Variants in SLC9A6 observed in about 807,000 individuals in gnomAD.
The protein encoded by SLC9A6 is sodium/hydrogen exchanger 6.
Under a neutral mutation model 45.3 loss-of-function variants are expected in SLC9A6, and 6 were observed. The ratio of observed to expected loss-of-function variants is 0.13; its 90% CI spans 0.07 to 0.26. The LOEUF is 0.26. Ranked by LOEUF, SLC9A6 falls within the 10% of genes least tolerant of loss-of-function variation. The probability of loss-of-function intolerance (pLI) is 1.00; values close to 1 mark genes in which losing one functional copy is unlikely to be tolerated. For synonymous variants in SLC9A6, 191 were observed against 187.7 expected (o/e 1.02, Z -0.14); for missense variants, 278 against 503.7 (o/e 0.55, Z 4.29).
intron 11 of SLC9A6, 79 bp from the exon 12 acceptor site, chrX:136,022,507 T>C: frequency 1.7e-6 from 1 of 586,874 alleles, no homozygotes; most frequent in African/African-American, 2.3e-5. Context: ...CCTAAAATAG[T>C]CTTTCACCAT....
chrX:136,038,160 G>A (rs1202418087), intron 16 of SLC9A6, among the ~76,000 whole-genome samples: 1 of 111,332 alleles, frequency 9.0e-6, no homozygotes, highest in African/African-American at 3.3e-5. Flanking sequence ...TACGATGTTA[G>A]CTATACGTTT....
chrX:135,990,050 A>G (rs1305629069), intron 2 of SLC9A6, among the ~76,000 whole-genome samples: 4 of 111,524 alleles, frequency 3.6e-5, no homozygotes, highest in Non-Finnish European at 7.5e-5. Context: ...CAGTGGCGCT[A>G]TCTCGGCTCA....
At chrX:135,980,195 C>T (rs1556613783), upstream of SLC9A6, among the ~76,000 whole-genome samples, 1 of 96,308 alleles carries the variant, frequency 1.0e-5, no homozygotes. Context: ...CCTAGTTTTT[C>T]AGCCTGTCCC....
At chrX:135,985,404 C>T, upstream of SLC9A6, 5 of 555,225 alleles carry the variant, frequency 9.0e-6, no homozygotes, top group South Asian at 1.5e-4. Context: ...CGCGCTCCGA[C>T]GGCTACCCCC....
At chrX:135,975,919 G>C (rs906164268) in intron 1 of SLC9A6, among the ~76,000 whole-genome samples, 2 of 100,817 alleles carry the variant, frequency 2.0e-5, no homozygotes, top group Admixed American at 2.2e-4. Context: ...CAAGGCTACA[G>C]TGAGCCATGA....
intron 15 of SLC9A6, among the ~76,000 whole-genome samples, chrX:136,032,162 G>C (rs1292931594): frequency 8.9e-6 from 1 of 112,177 alleles, no homozygotes; most frequent in Non-Finnish European, 1.9e-5. Context: ...CCACCTCCCA[G>C]ATTCAAGCAA....
At chrX:136,043,987 TAC>T (rs782509970) in intron 17 of SLC9A6, among the ~76,000 whole-genome samples, 1 of 111,768 alleles carries the variant, frequency 8.9e-6, no homozygotes, top group African/African-American at 3.3e-5. Context: ...GGCAGATTGA[TAC>T]ACACACAGTT....
In SLC9A6 at chrX:136,023,197, A is replaced by G. The variant is rs868910744; in HGVS notation, c.1306+500A>G. Among the ~76,000 whole-genome samples, 12 of 46,730 alleles carry G rather than the reference A, an allele frequency of 2.6e-4. 2 individuals are homozygous for G. The highest frequency in any genetic ancestry group is 1.9e-3 in the South Asian group (2 of 1,044). 40.6% of individuals were successfully genotyped at this position (46,730 alleles called of 115,157 possible). On this transcript the variant is annotated intron_variant, in intron 12 of 17. Coordinates refer to ENST00000630721, the MANE Select transcript of SLC9A6 (RefSeq NM_001379110.1). The stretch of plus-strand genomic sequence containing the variant: ...TATATATATATATATATATATATAT[A>G]TATATATATATATATATATATATAT...
chrX:135,993,914 G>C (rs1330434404), intron 2 of SLC9A6, among the ~76,000 whole-genome samples: 1 of 111,571 alleles, frequency 9.0e-6, no homozygotes, highest in Non-Finnish European at 1.9e-5. Context: ...TCCATGTTTT[G>C]ATTTTGAAGC....
chrX:136,014,575 G>A (rs1477407188), intron 10 of SLC9A6, among the ~76,000 whole-genome samples: 1 of 112,719 alleles, frequency 8.9e-6, no homozygotes, highest in Non-Finnish European at 1.9e-5. Flanking sequence ...GACCAGCCTG[G>A]CCAACATGGT....
At chrX:136,010,262 T>C in intron 7 of SLC9A6, 180 bp from the exon 8 acceptor site, 1 of 262,928 alleles carries the variant, frequency 3.8e-6, no homozygotes, top group African/African-American at 3.0e-5. Context: ...GAAAGCCAAG[T>C]TTTCTTGCTA....
intron 7 of SLC9A6, among the ~76,000 whole-genome samples, chrX:136,004,620 A>G (rs1481760505): frequency 1.8e-5 from 2 of 112,271 alleles, no homozygotes; most frequent in East Asian, 5.6e-4. Flanking sequence ...TCTCAGATGT[A>G]ACATTAATCC....
At chrX:135,996,956 C>T (rs372699118) in intron 3 of SLC9A6, among the ~76,000 whole-genome samples, 195 of 109,944 alleles carry the variant, frequency 1.8e-3, no homozygotes, top group Non-Finnish European at 3.1e-3. Context: ...TTAATAGAGA[C>T]GGGGTTTCAC....
intron 11 of SLC9A6, among the ~76,000 whole-genome samples, chrX:136,020,894 G>A (rs192134855): frequency 7.1e-4 from 76 of 107,546 alleles, no homozygotes; most frequent in Non-Finnish European, 1.0e-3. Flanking sequence ...TTACTCCCTG[G>A]AACTATAAGA....
In SLC9A6 at chrX:136,043,251, T is replaced by G. The variant is rs1291122343; in HGVS notation, c.1768-1201T>G. Among the ~76,000 whole-genome samples the G allele has an allele frequency of 2.7e-5, 3 of 111,833 alleles. No individual in the cohort carries two copies. In the Admixed American group the frequency reaches 2.9e-4, roughly 11 times the overall value. On this transcript the variant is annotated intron_variant, in intron 17 of 17. Transcript: ENST00000630721. ...TTTGTTTGTTTGTTTTTGAGATGGG[T>G]TCTGGCTGTGTTGCCCAGGTTGGCC... is the stretch of plus-strand genomic sequence containing the variant.
At chrX:136,009,161 A>G (rs2070872522) in intron 7 of SLC9A6, among the ~76,000 whole-genome samples, 1 of 111,690 alleles carries the variant, frequency 9.0e-6, no homozygotes, top group South Asian at 3.7e-4. Context: ...CTTTATATAT[A>G]TGTAGGTAAG....
intron 8 of SLC9A6, among the ~76,000 whole-genome samples, chrX:136,011,494 G>A (rs1047142418): frequency 8.2e-5 from 9 of 110,208 alleles, no homozygotes; most frequent in Non-Finnish European, 1.9e-5. Flanking sequence ...CACCCACCTC[G>A]GCCTCCCAAA....
chrX:135,996,381 A>G (rs1240667396), intron 3 of SLC9A6, among the ~76,000 whole-genome samples: 1 of 110,938 alleles, frequency 9.0e-6, no homozygotes, highest in African/African-American at 3.3e-5. Flanking sequence ...TTTCATATGA[A>G]CTTGAGGTTT....
intron 1 of SLC9A6, among the ~76,000 whole-genome samples, chrX:135,979,108 G>T (rs1226465259): frequency 9.0e-6 from 1 of 111,445 alleles, no homozygotes; most frequent in Non-Finnish European, 1.9e-5. Flanking sequence ...CCCAATTAAA[G>T]CTTTCTTCCT....
Sources: allele counts gnomAD v4.1 joint callset (sites outside exome capture counted in the v4.1 genomes callset), GRCh38; gene constraint gnomAD v4.1.1; transcripts MANE v1.5; gene names NCBI Gene and HGNC (gene_info 2026-07-23, HGNC 2026-07-21).